The following PIEZO2 variants were observed in gnomAD, a reference collection of about 807,000 sequenced individuals.
The protein encoded by PIEZO2 is piezo type mechanosensitive ion channel component 2, also known as piezo-type mechanosensitive ion channel component 2.
In PIEZO2, 172 loss-of-function variants were observed where a neutral mutation model predicts 337.3. The ratio of observed to expected loss-of-function variants is 0.51; its 90% CI spans 0.45 to 0.58. PIEZO2 has a LOEUF of 0.58. Among genes scored for constraint, PIEZO2 ranks in the 20% least tolerant of loss-of-function variants. The pLI is 0.00. For missense variants in PIEZO2, 3,028 were observed against 3,391.3 expected (o/e 0.89, Z 2.66); for synonymous variants, 1,251 against 1,228.5 (o/e 1.02, Z -0.38).
Position 11,015,813 on chromosome 18 carries a change from C to T in PIEZO2, c.161-36153G>A, listed in dbSNP as rs373526296. 5.3e-5 allele frequency among the ~76,000 whole-genome samples: 8 copies of T among 152,136 alleles called. No homozygotes were observed. In the East Asian group the frequency reaches 5.8e-4, roughly 11 times the overall value. ...AATTTCTTATGGAAAACAATAAACA[C>T]GAACACACACAAAAAACCCTTTAAG... On this transcript the variant is annotated intron_variant, in intron 2 of 55. Coordinates refer to ENST00000674853, the MANE Select transcript of PIEZO2 (RefSeq NM_001378183.1).
chr18:11,071,104 G>C (rs2038323302), intron 1 of PIEZO2, among the ~76,000 whole-genome samples: 1 of 152,096 alleles, frequency 6.6e-6, no homozygotes, highest in Non-Finnish European at 1.5e-5. Context: ...AAGAGAACAG[G>C]AATCGAAAAG....
At chr18:11,074,225 T>C (rs1031169340) in intron 1 of PIEZO2, among the ~76,000 whole-genome samples, 3 of 152,240 alleles carry the variant, frequency 2.0e-5, no homozygotes, top group South Asian at 4.2e-4. Context: ...TTCCTTTTCA[T>C]AACGAGCGAC....
chr18:10,687,818 G>A (rs1353872830), intron 49 of PIEZO2, among the ~76,000 whole-genome samples: 1 of 152,166 alleles, frequency 6.6e-6, no homozygotes, highest in Non-Finnish European at 1.5e-5. Flanking sequence ...AGAGCCAGAT[G>A]CAACCTGCAG....
intron 2 of PIEZO2, among the ~76,000 whole-genome samples, chr18:11,026,898 G>T (rs1337094009): frequency 1.3e-5 from 2 of 152,324 alleles, no homozygotes; most frequent in East Asian, 3.9e-4. Flanking sequence ...AGGCAAGAGT[G>T]TGGGACTGAA....
At chr18:11,004,530 T>A (rs2035654216) in intron 2 of PIEZO2, among the ~76,000 whole-genome samples, 1 of 152,118 alleles carries the variant, frequency 6.6e-6, no homozygotes, top group South Asian at 2.1e-4. Context: ...ACACAGTTGC[T>A]CTCCACCCAG....
At chr18:10,785,775 A>T (rs1379968292) in intron 16 of PIEZO2, among the ~76,000 whole-genome samples, 1 of 152,122 alleles carries the variant, frequency 6.6e-6, no homozygotes, top group Admixed American at 6.6e-5. Context: ...TTCTCACAGG[A>T]CCGCTGCTGC....
rs2042133095 is a variant in PIEZO2 at position 10,871,293 on chromosome 18, T to A, written c.452A>T (p.Glu151Val). ...AAACTCCGGGTTACTCTGTGCTGCT[T>A]CGTCTGTCACAGGTTTCTGAACAAT... ...RNIVQKPVTD[E>V]AAQSNPEFEN... Residue 151 changes from glutamate to valine, a missense_variant, in exon 5 of 56, where the codon GAA becomes GTA. Physicochemically the swap from Glu to Val is moderately radical, Grantham distance 121. Coordinates refer to ENST00000674853, the MANE Select transcript of PIEZO2 (RefSeq NM_001378183.1). The A allele has an allele frequency of 6.5e-7, 1 of 1,537,112 alleles. No homozygotes were observed. Among genetic ancestry groups the A allele is most frequent in the Non-Finnish European group, 8.7e-7 (1 of 1,146,874 alleles).
At chr18:11,121,626 T>G (rs2040030006) in intron 1 of PIEZO2, among the ~76,000 whole-genome samples, 1 of 152,206 alleles carries the variant, frequency 6.6e-6, no homozygotes, top group African/African-American at 2.4e-5. Context: ...GAATTCGGCT[T>G]GCCCAGTAAG....
chr18:10,872,221 T>G lies in PIEZO2; in HGVS notation c.330-806A>C, dbSNP rs1040394077. ...ACATTTTGAGAAGAGCAGCATCAAT[T>G]GACACTTAGATAATTTTCACACATA... is the stretch of plus-strand genomic sequence containing the variant. On this transcript the variant is annotated intron_variant, in intron 4 of 55. Coordinates refer to ENST00000674853, the MANE Select transcript of PIEZO2 (RefSeq NM_001378183.1). The surrounding 1 kb of genome is among the most constrained non-coding windows in gnomAD (Gnocchi z 4.3). 7.2e-5 allele frequency among the ~76,000 whole-genome samples: 11 copies of G among 152,174 alleles called. No individual in the cohort carries two copies. Among genetic ancestry groups the G allele is most frequent in the Admixed American group, 1.3e-4 (2 of 15,276 alleles).
At chr18:10,671,922 G>A in intron 55 of PIEZO2, 143 bp from the exon 56 acceptor site, 6 of 749,564 alleles carry the variant, frequency 8.0e-6, no homozygotes, top group Admixed American at 3.7e-5. Flanking sequence ...TTTTCCCTTT[G>A]GTTAAAAAGT....
intron 2 of PIEZO2, among the ~76,000 whole-genome samples, chr18:11,026,691 C>T (rs1181021010): frequency 1.3e-5 from 2 of 152,228 alleles, no homozygotes; most frequent in African/African-American, 4.8e-5. Context: ...GAGGCTTATT[C>T]AGCCTTACCC....
chr18:10,820,595 T>C (rs1055305532), intron 7 of PIEZO2, among the ~76,000 whole-genome samples: 2 of 152,232 alleles, frequency 1.3e-5, no homozygotes, highest in African/African-American at 4.8e-5. Context: ...GAAAATATTT[T>C]AAAAAGCTGT....
Position 10,766,978 on chromosome 18 carries a change from A to G in PIEZO2, c.2946+3170T>C, listed in dbSNP as rs995526284. Among the ~76,000 whole-genome samples, 3 of 147,230 alleles carry G rather than the reference A, an allele frequency of 2.0e-5. No individual in the cohort carries two copies. In the East Asian group the frequency reaches 6.1e-4, roughly 30 times the overall value. On this transcript the variant is annotated intron_variant, in intron 21 of 55. Coordinates refer to ENST00000674853, the MANE Select transcript of PIEZO2 (RefSeq NM_001378183.1). This position sits in a 1 kb window ranked among gnomAD's most constrained non-coding sequence, Gnocchi z 6.1. ...AAAGTTTCCTTCCTTCCTTCCTCCC[A>G]CCTTCCATTCCCTCCCCTCCCCTCC...
At chr18:10,741,173 C>T (rs1598421756) in intron 32 of PIEZO2, 71 bp from the exon 33 acceptor site, 2 of 1,373,966 alleles carry the variant, frequency 1.5e-6, no homozygotes, top group African/African-American at 2.9e-5. Flanking sequence ...CACGCTTTAA[C>T]AACTCAATTG....
chr18:11,062,547 C>T (rs1225257947), intron 2 of PIEZO2, among the ~76,000 whole-genome samples: 9 of 151,908 alleles, frequency 5.9e-5, no homozygotes, highest in South Asian at 4.2e-4. Context: ...TACAATGAAC[C>T]CAAACAAATT....
chr18:11,082,865 T>G (rs2038799299), intron 1 of PIEZO2, among the ~76,000 whole-genome samples: 1 of 152,084 alleles, frequency 6.6e-6, no homozygotes, highest in African/African-American at 2.4e-5. Flanking sequence ...TCAAAATGCC[T>G]CTCTCCAGAT....
In PIEZO2 at chr18:11,027,165, A is replaced by T. The variant is rs2036571918; in HGVS notation, c.160+38962T>A. ...AAACTAAAGTAGGAGCCAGAATTCA[A>T]GGGGCTTGGGGATGGAATTTGAAGA... On this transcript the variant is annotated intron_variant, in intron 2 of 55. Coordinates refer to ENST00000674853, the MANE Select transcript of PIEZO2 (RefSeq NM_001378183.1). This position sits in a 1 kb window ranked among gnomAD's most constrained non-coding sequence, Gnocchi z 4.2. Among the ~76,000 whole-genome samples, 1 of 152,236 alleles carries T rather than the reference A, an allele frequency of 6.6e-6. No homozygotes were observed. Among genetic ancestry groups the T allele is most frequent in the African/African-American group, 2.4e-5 (1 of 41,462 alleles).
Position 11,003,833 on chromosome 18 carries a change from A to G in PIEZO2, c.161-24173T>C, listed in dbSNP as rs1462463118. Reference sequence around the variant, plus strand: ...CACATGGGGGTGGACCTGGAAACAAAGTGATTTTTTCCCCTCATTGACATT... The same window carrying G: ...CACATGGGGGTGGACCTGGAAACAAGGTGATTTTTTCCCCTCATTGACATT... On this transcript the variant is annotated intron_variant, in intron 2 of 55. Transcript: ENST00000674853. This position sits in a 1 kb window ranked among gnomAD's most constrained non-coding sequence, Gnocchi z 4.6. Among the ~76,000 whole-genome samples, 5 of 152,234 alleles carry G rather than the reference A, an allele frequency of 3.3e-5. No homozygotes were observed. The highest frequency in any genetic ancestry group is 7.3e-5 in the Non-Finnish European group (5 of 68,040).
chr18:11,036,569 TAAAG>T (rs1471424342), intron 2 of PIEZO2, among the ~76,000 whole-genome samples: 2 of 151,752 alleles, frequency 1.3e-5, no homozygotes, highest in African/African-American at 2.4e-5. Context: ...AAGATATAAA[TAAAG>T]AAATCAAATA....
Sources: gnomAD v4.1 joint callset for allele counts (sites outside exome capture counted in the v4.1 genomes callset) on GRCh38, gnomAD v4.1.1 for gene constraint, Gnocchi (gnomAD v3.1) non-coding constraint, MANE v1.5 for transcripts, NCBI Gene and HGNC (gene_info 2026-07-23, HGNC 2026-07-21) for gene names.